SLC60A1: variants seen among roughly 807,000 people sequenced by gnomAD.
SLC60A1 encodes the protein major facilitator superfamily domain containing 4.
chr1:205,580,777 C>T, the SLC60A1 span: 18 of 1,614,216 alleles, frequency 1.1e-5, no homozygotes, highest in Admixed American at 1.7e-5. The surrounding 1 kb of genome is among the most constrained non-coding windows in gnomAD (Gnocchi z 5.0). Flanking sequence ...CCTCCCGAGG[C>T]CACCTGTTCC....
chr1:205,600,776 C>G, the SLC60A1 span: 797 of 273,186 alleles, frequency 2.9e-3, 12 homozygotes, highest in South Asian at 0.039. Context: ...ATGGACCATA[C>G]TCTGGGTTTG....
chr1:205,597,691 C>T, the SLC60A1 span: 3 of 1,376,940 alleles, frequency 2.2e-6, no homozygotes, highest in African/African-American at 4.3e-5. Context: ...ATGCATATGC[C>T]ACTGTGCCTG....
At chr1:205,591,760 C>T in the SLC60A1 span, among the ~76,000 whole-genome samples, 108 of 152,304 alleles carry the variant, frequency 7.1e-4, no homozygotes, top group Admixed American at 1.5e-3. Context: ...GACTCTCCTA[C>T]CCCCAGGGCT....
the SLC60A1 span, chr1:205,600,378 TG>T: frequency 5.0e-6 from 8 of 1,608,878 alleles, no homozygotes; most frequent in African/African-American, 1.1e-4. Flanking sequence ...TGCTGAAACA[TG>T]CTACCTGTTT....
chr1:205,580,041 G>A, the SLC60A1 span: 25 of 1,360,232 alleles, frequency 1.8e-5, no homozygotes, highest in African/African-American at 2.9e-5. The surrounding 1 kb of genome is among the most constrained non-coding windows in gnomAD (Gnocchi z 5.0). Flanking sequence ...CCTCCCCCAG[G>A]GGCCCACTTA....
chr1:205,577,548 C>T, the SLC60A1 span, among the ~76,000 whole-genome samples: 3 of 152,286 alleles, frequency 2.0e-5, no homozygotes, highest in East Asian at 1.9e-4. The surrounding 1 kb of genome is among the most constrained non-coding windows in gnomAD (Gnocchi z 5.2). Context: ...TTCTAGAGAC[C>T]GCAGCTGCTC....
chr1:205,580,634 CA>C, the SLC60A1 span: 1 of 1,589,626 alleles, frequency 6.3e-7, no homozygotes, highest in Non-Finnish European at 8.6e-7. The surrounding 1 kb of genome is among the most constrained non-coding windows in gnomAD (Gnocchi z 5.0). Context: ...CCCCCACCCC[CA>C]CCCGCCACCT....
At chr1:205,588,787 C>CTAT in the SLC60A1 span, among the ~76,000 whole-genome samples, 1 of 152,242 alleles carries the variant, frequency 6.6e-6, no homozygotes, top group Non-Finnish European at 1.5e-5. Context: ...TATGTTTGTG[C>CTAT]TATGTGCAAA....
the SLC60A1 span, among the ~76,000 whole-genome samples, chr1:205,599,511 T>C: frequency 1.3e-5 from 2 of 152,122 alleles, no homozygotes; most frequent in African/African-American, 2.4e-5. Context: ...GGGGTATGGA[T>C]TGTGAACTTG....
the SLC60A1 span, among the ~76,000 whole-genome samples, chr1:205,587,981 G>A: frequency 6.6e-6 from 1 of 152,136 alleles, no homozygotes; most frequent in African/African-American, 2.4e-5. Flanking sequence ...GGAGTGCTGG[G>A]TTTTAAAAAG....
At chr1:205,584,566 AG>A in the SLC60A1 span, among the ~76,000 whole-genome samples, 3,567 of 99,258 alleles carry the variant, frequency 0.036, 112 homozygotes, top group African/African-American at 0.12. Context: ...AAAAAAAAAA[AG>A]AAAATCTTGG....
At chr1:205,584,812 G>A in the SLC60A1 span, 1 of 1,465,836 alleles carries the variant, frequency 6.8e-7, no homozygotes. Flanking sequence ...CCACGGCCCT[G>A]GGACATGCAG....
At chr1:205,599,245 C>G in the SLC60A1 span, 61 of 1,613,858 alleles carry the variant, frequency 3.8e-5, no homozygotes, top group Non-Finnish European at 5.2e-5. Context: ...CCCTGGACTC[C>G]CATCAGGTAA....
At chr1:205,599,001 T>TC in the SLC60A1 span, 2 of 1,220,922 alleles carry the variant, frequency 1.6e-6, no homozygotes, top group African/African-American at 3.0e-5. Flanking sequence ...TCCCCGTGAT[T>TC]CCATCTCTTG....
the SLC60A1 span, chr1:205,583,854 G>C: frequency 7.1e-7 from 1 of 1,409,258 alleles, no homozygotes. Flanking sequence ...GAAAAGAGCT[G>C]TCTTCTCCCA....
chr1:205,576,688 G>A, the SLC60A1 span, among the ~76,000 whole-genome samples: 2 of 152,222 alleles, frequency 1.3e-5, no homozygotes, highest in African/African-American at 4.8e-5. Flanking sequence ...CTGGCTCTGG[G>A]ATGTGTCTGG....
chr1:205,598,976 C>T, the SLC60A1 span: 5 of 1,013,800 alleles, frequency 4.9e-6, no homozygotes, highest in Non-Finnish European at 5.9e-6. Flanking sequence ...TGAAACAAGG[C>T]CAAGGCCTCC....
At chr1:205,577,557 T>C in the SLC60A1 span, among the ~76,000 whole-genome samples, 2 of 152,102 alleles carry the variant, frequency 1.3e-5, no homozygotes, top group East Asian at 3.9e-4. The surrounding 1 kb of genome is among the most constrained non-coding windows in gnomAD (Gnocchi z 5.2). Context: ...CCGCAGCTGC[T>C]CTCCAGTGCT....
chr1:205,587,244 A>G, the SLC60A1 span, among the ~76,000 whole-genome samples: 1 of 152,212 alleles, frequency 6.6e-6, no homozygotes, highest in Non-Finnish European at 1.5e-5. Flanking sequence ...TGTCTGCTTA[A>G]ACACCTCTAG....
Sources: allele counts gnomAD v4.1 joint callset (sites outside exome capture counted in the v4.1 genomes callset), GRCh38; gene constraint gnomAD v4.1.1; non-coding constraint Gnocchi (gnomAD v3.1); transcripts MANE v1.5; gene names NCBI Gene and HGNC (gene_info 2026-07-23, HGNC 2026-07-21).